Variants in DPP6 observed in about 807,000 individuals in gnomAD.
DPP6 encodes the protein dipeptidyl peptidase like 6, also known as A-type potassium channel modulatory protein DPP6.
A neutral mutation model predicts 122.6 loss-of-function variants in DPP6; 69 were observed. That is an observed-to-expected ratio of 0.56 (90% CI 0.46 to 0.69). The LOEUF (loss-of-function observed/expected upper bound fraction) is 0.69, where lower values mean the gene tolerates loss of function less well. Ranked by LOEUF, DPP6 falls within the 30% of genes least tolerant of loss-of-function variation. The pLI is 0.00. For synonymous variants in DPP6, 418 were observed against 433.1 expected, an observed-to-expected ratio of 0.97 and a Z score of 0.43; for missense variants, 928 against 1,116.9, an observed-to-expected ratio of 0.83 and a Z score of 2.41.
At chr7:154,270,278 G>A (rs966628650) in intron 1 of DPP6, among the ~76,000 whole-genome samples, 8 of 152,152 alleles carry the variant, frequency 5.3e-5, no homozygotes, top group African/African-American at 1.9e-4. Flanking sequence ...ATCTGGTTAT[G>A]CCAGGTTGCT....
At chr7:154,523,727 C>T (rs1827182568) in intron 3 of DPP6, among the ~76,000 whole-genome samples, 1 of 152,154 alleles carries the variant, frequency 6.6e-6, no homozygotes, top group Non-Finnish European at 1.5e-5. Context: ...GTAGGCCCTC[C>T]TGCATTCCGC....
At chr7:154,439,395 T>A (rs1339197198) in intron 1 of DPP6, among the ~76,000 whole-genome samples, 1 of 152,246 alleles carries the variant, frequency 6.6e-6, no homozygotes. Context: ...TTGGGCCTGA[T>A]GTGTTGTGAC....
intron 1 of DPP6, among the ~76,000 whole-genome samples, chr7:153,893,170 C>G (rs1799277144): frequency 6.6e-6 from 1 of 152,174 alleles, no homozygotes; most frequent in Non-Finnish European, 1.5e-5. Context: ...TCACAGAGCT[C>G]TGTTTAGTTC....
rs1451438931 is a variant in DPP6, at chr7:154,794,128, G to A, written c.1186G>A (p.Val396Met). The A allele has an allele frequency of 1.9e-6, 3 of 1,613,574 alleles. No individual in the cohort carries two copies. The highest frequency in any genetic ancestry group is 1.3e-5 in the African/African-American group (1 of 75,032). Reference protein sequence around the residue: ...VKWATSTKVAVTWLNRAQNVS... With the variant: ...VKWATSTKVAMTWLNRAQNVS... ...GTGGGCCACCAGCACCAAGGTCGCCGTGACCTGGCTGAACCGGGCGCAGAA... is the reference window on the plus strand; with the variant it reads ...GTGGGCCACCAGCACCAAGGTCGCCATGACCTGGCTGAACCGGGCGCAGAA... Residue 396 changes from valine to methionine, a missense_variant, in exon 11 of 26, where the codon GTG becomes ATG. Val to Met is a conservative substitution (Grantham distance 21). Transcript: ENST00000377770.
At chr7:154,090,659 G>A (rs1262319717) in intron 1 of DPP6, among the ~76,000 whole-genome samples, 3 of 151,740 alleles carry the variant, frequency 2.0e-5, no homozygotes, top group Non-Finnish European at 4.4e-5. Flanking sequence ...GTTGAGCTGA[G>A]AAGCACAGAG....
intron 8 of DPP6, among the ~76,000 whole-genome samples, chr7:154,763,741 C>T: frequency 6.6e-6 from 1 of 152,208 alleles, no homozygotes. Context: ...AACCCTAAAG[C>T]CTCCTATTTC....
intron 1 of DPP6, among the ~76,000 whole-genome samples, chr7:153,977,501 C>T (rs528108933): frequency 3.9e-5 from 6 of 152,072 alleles, no homozygotes; most frequent in African/African-American, 9.7e-5. Flanking sequence ...GAGAAGTACC[C>T]GAGCTGTTTA....
At chr7:153,953,121 A>C (rs1802297811) in intron 1 of DPP6, among the ~76,000 whole-genome samples, 1 of 152,160 alleles carries the variant, frequency 6.6e-6, no homozygotes, top group African/African-American at 2.4e-5. Flanking sequence ...AACCACTGAA[A>C]ATAAATATCA....
intron 2 of DPP6, among the ~76,000 whole-genome samples, chr7:154,462,519 G>A (rs1413680188): frequency 6.6e-6 from 1 of 151,866 alleles, no homozygotes; most frequent in East Asian, 1.9e-4. Context: ...TATTTTTTAT[G>A]TCTGCTTCCA....
Position 154,892,890 on chromosome 7 carries a change from C to T in DPP6, c.*410C>T. Reference sequence around the variant, plus strand: ...CTCTGTGTTCCCGTTAGGGACATCACACCCTGTCTCACGTCGCAGTGCCAT... The same window carrying T: ...CTCTGTGTTCCCGTTAGGGACATCATACCCTGTCTCACGTCGCAGTGCCAT... On this transcript the variant is annotated 3_prime_UTR_variant, in exon 26 of 26. Transcript: ENST00000377770. 1.9e-6 allele frequency: 1 copy of T among 527,486 alleles called. No individual in the cohort carries two copies. The highest frequency in any genetic ancestry group is 3.8e-6 in the Non-Finnish European group (1 of 265,756). The allele number at this position is 527,486 out of a possible 1,614,324, so 32.7% of individuals were successfully genotyped here. A position where few individuals can be genotyped will look rare whatever the true frequency, so the allele number is the denominator to read the frequency against.
At chr7:154,265,260 C>T (rs908562670) in intron 1 of DPP6, among the ~76,000 whole-genome samples, 5 of 151,058 alleles carry the variant, frequency 3.3e-5, no homozygotes, top group African/African-American at 7.3e-5. Flanking sequence ...GTGTTAATGG[C>T]GATGATGATG....
the DPP6 span, among the ~76,000 whole-genome samples, chr7:153,759,300 G>A: frequency 6.6e-6 from 1 of 151,536 alleles, no homozygotes; most frequent in African/African-American, 2.4e-5. Context: ...CAGTCTATAG[G>A]GGTATATAGT....
intron 12 of DPP6, among the ~76,000 whole-genome samples, chr7:154,799,215 G>A (rs562626518): frequency 3.9e-5 from 6 of 152,268 alleles, no homozygotes; most frequent in East Asian, 1.9e-4. Context: ...CATCTGAGCC[G>A]TTCATCCTCC....
intron 1 of DPP6, among the ~76,000 whole-genome samples, chr7:154,341,821 A>G (rs1426243422): frequency 6.6e-6 from 1 of 152,008 alleles, no homozygotes; most frequent in East Asian, 2.0e-4. Flanking sequence ...ACCTTCTCCT[A>G]TAATGACGCA....
At chr7:154,547,245 C>A (rs1172565028) in intron 4 of DPP6, among the ~76,000 whole-genome samples, 2 of 152,220 alleles carry the variant, frequency 1.3e-5, no homozygotes, top group East Asian at 3.8e-4. Context: ...GGCTGGATTT[C>A]ACTTAGCATG....
chr7:153,872,592 T>G, the DPP6 span, among the ~76,000 whole-genome samples: 2 of 152,198 alleles, frequency 1.3e-5, no homozygotes, highest in Non-Finnish European at 2.9e-5. Flanking sequence ...CCATGCCCTG[T>G]TTTTCATAAA....
intron 8 of DPP6, among the ~76,000 whole-genome samples, chr7:154,735,652 C>T (rs1006735303): frequency 6.6e-6 from 1 of 152,138 alleles, no homozygotes; most frequent in African/African-American, 2.4e-5. Flanking sequence ...TGTAGAGAGA[C>T]AAGGAGGAAA....
intron 1 of DPP6, among the ~76,000 whole-genome samples, chr7:154,363,597 T>G (rs913367979): frequency 3.3e-5 from 5 of 152,194 alleles, no homozygotes; most frequent in African/African-American, 1.2e-4. Context: ...ATTGGTCCCC[T>G]CTGTCTGAGC....
Position 154,304,069 on chromosome 7 carries a change from G to A in DPP6, c.244-142145G>A, listed in dbSNP as rs529712089. On this transcript the variant is annotated intron_variant, in intron 1 of 25. Coordinates refer to ENST00000377770, the MANE Select transcript of DPP6 (RefSeq NM_130797.4). ...GCAAAGACTAGAGTGACTGATTCAG[G>A]CCCTGGCCTGAAGGACTTTATTATT... Among the ~76,000 whole-genome samples, 4 of 152,310 alleles carry A rather than the reference G, an allele frequency of 2.6e-5. No homozygotes were observed. In the South Asian group the frequency reaches 8.3e-4, roughly 32 times the overall value.
Sources: gnomAD v4.1 joint callset for allele counts (sites outside exome capture counted in the v4.1 genomes callset) on GRCh38, gnomAD v4.1.1 for gene constraint, MANE v1.5 for transcripts, NCBI Gene and HGNC (gene_info 2026-07-23, HGNC 2026-07-21) for gene names.